The following RBFOX1 variants were observed in gnomAD, a reference collection of about 807,000 sequenced individuals.
RBFOX1 encodes RNA binding fox-1 homolog 1.
A neutral mutation model predicts 57.7 loss-of-function variants in RBFOX1; 8 were observed. The ratio of observed to expected loss-of-function variants is 0.14; its 90% CI spans 0.08 to 0.25. The LOEUF (loss-of-function observed/expected upper bound fraction) is 0.25, where lower values mean the gene tolerates loss of function less well. RBFOX1 is among the 10% of genes least tolerant of loss of function. The pLI is 1.00. For missense variants in RBFOX1, 611 were observed against 548.5 expected, an observed-to-expected ratio of 1.11 and a Z score of -1.14; for synonymous variants, 326 against 222.4, an observed-to-expected ratio of 1.47 and a Z score of -4.15.
At chr16:6,529,894 T>C (rs910156961) in intron 2 of RBFOX1, among the ~76,000 whole-genome samples, 2 of 152,166 alleles carry the variant, frequency 1.3e-5, no homozygotes, top group African/African-American at 2.4e-5. Flanking sequence ...GGTGACTTTT[T>C]CTCCACTCAC....
intron 4 of RBFOX1, among the ~76,000 whole-genome samples, chr16:7,385,363 A>T: frequency 6.6e-6 from 1 of 152,126 alleles, no homozygotes; most frequent in Non-Finnish European, 1.5e-5. Context: ...GGTGAAGGAA[A>T]TGGAAGTACC....
chr16:6,916,769 A>G (rs1285705703), intron 3 of RBFOX1, among the ~76,000 whole-genome samples: 2 of 151,780 alleles, frequency 1.3e-5, no homozygotes, highest in East Asian at 3.9e-4. Flanking sequence ...ACCCACTTAA[A>G]CTTTTCCCAT....
intron 3 of RBFOX1, among the ~76,000 whole-genome samples, chr16:6,680,341 C>T (rs12148938): frequency 0.68 from 99,158 of 145,616 alleles, 35,334 homozygotes; most frequent in East Asian, 0.82. Context: ...CAGCTCACTG[C>T]AAGCTCCGCC....
intron 4 of RBFOX1, among the ~76,000 whole-genome samples, chr16:7,313,423 C>G (rs573027204): frequency 7.0e-4 from 105 of 149,944 alleles, no homozygotes; most frequent in Admixed American, 3.5e-3. Context: ...TTCCTGAAGA[C>G]TTTCTTTTTT....
intron 4 of RBFOX1, among the ~76,000 whole-genome samples, chr16:5,951,141 T>A (rs1270213396): frequency 1.3e-5 from 2 of 152,020 alleles, no homozygotes; most frequent in Non-Finnish European, 2.9e-5. Context: ...ATCCTGAACT[T>A]TTTATTTAAA....
intron 4 of RBFOX1, among the ~76,000 whole-genome samples, chr16:7,248,317 T>A (rs1326260991): frequency 6.6e-6 from 1 of 152,224 alleles, no homozygotes; most frequent in East Asian, 1.9e-4. Context: ...CCTTCCTTGT[T>A]CATAAAGGAC....
intron 4 of RBFOX1, among the ~76,000 whole-genome samples, chr16:7,413,723 G>A (rs2098452476): frequency 1.3e-5 from 2 of 152,044 alleles, no homozygotes; most frequent in African/African-American, 2.4e-5. Flanking sequence ...ATTCAAACAA[G>A]CAAAGGGGGT....
chr16:5,251,077 TG>T (rs981571501), intron 1 of RBFOX1, among the ~76,000 whole-genome samples: 1 of 151,748 alleles, frequency 6.6e-6, no homozygotes. Context: ...TGTCCTGGGG[TG>T]GGGGGGTCCC....
chr16:7,053,694 T>A (rs2050893226), intron 4 of RBFOX1, among the ~76,000 whole-genome samples: 1 of 152,146 alleles, frequency 6.6e-6, no homozygotes, highest in Non-Finnish European at 1.5e-5. Flanking sequence ...GGAGTGTGGT[T>A]TAGGTTCAAG....
In RBFOX1 at chr16:7,504,709, TTATATATATA is replaced by T. The variant is rs1181491515; in HGVS notation, c.28-13402_28-13393del. On this transcript the variant is annotated intron_variant, in intron 4 of 15. Transcript: ENST00000550418. The stretch of plus-strand genomic sequence containing the variant: ...TAGCTCCTGTGGAGATGAAGTGAGA[TTATATATATA>T]TATATATATATATATATATATATAT... 1.0e-3 allele frequency among the ~76,000 whole-genome samples: 78 copies of T among 74,478 alleles called. 3 individuals carry two copies. The East Asian group carries it at 0.044, about 42-fold the overall frequency. The allele number at this position is 74,478 out of a possible 152,430, so 48.9% of individuals were successfully genotyped here.
intron 10 of RBFOX1, among the ~76,000 whole-genome samples, chr16:7,619,997 C>T (rs1263388699): frequency 6.6e-6 from 1 of 152,168 alleles, no homozygotes; most frequent in South Asian, 2.1e-4. Flanking sequence ...CATTAAAACT[C>T]CTAAGTTTAA....
intron 3 of RBFOX1, among the ~76,000 whole-genome samples, chr16:5,811,778 G>A (rs1395795395): frequency 6.6e-6 from 1 of 152,138 alleles, no homozygotes; most frequent in Non-Finnish European, 1.5e-5. Flanking sequence ...GCATTATTGA[G>A]ATGTAATTGA....
intron 3 of RBFOX1, among the ~76,000 whole-genome samples, chr16:5,671,956 T>G (rs895447362): frequency 1.3e-5 from 2 of 152,138 alleles, no homozygotes; most frequent in South Asian, 4.1e-4. Flanking sequence ...ATCAGTTTTC[T>G]CTCAAAGTGA....
chr16:5,653,760 G>A (rs2049329437), intron 3 of RBFOX1, among the ~76,000 whole-genome samples: 1 of 152,172 alleles, frequency 6.6e-6, no homozygotes. Context: ...CAGGGGTGGG[G>A]TGGCTCAAGC....
intron 7 of RBFOX1, among the ~76,000 whole-genome samples, chr16:7,588,414 C>A (rs2094246847): frequency 6.6e-6 from 1 of 152,140 alleles, no homozygotes; most frequent in African/African-American, 2.4e-5. Context: ...AGGAAAACAA[C>A]ACATGAGGCC....
chr16:5,780,317 A>G (rs933836245), intron 3 of RBFOX1, among the ~76,000 whole-genome samples: 13 of 152,154 alleles, frequency 8.5e-5, no homozygotes, highest in Non-Finnish European at 1.8e-4. Flanking sequence ...ATTTTTTATT[A>G]TCTTTCTTAC....
At chr16:5,404,485 T>C (rs490662) in intron 1 of RBFOX1, among the ~76,000 whole-genome samples, 87,623 of 151,990 alleles carry the variant, frequency 0.58, 27,967 homozygotes, top group African/African-American at 0.87. Context: ...TGGACTGCAC[T>C]TTGTAGGTCT....
chr16:6,263,309 C>T (rs997481836), intron 1 of RBFOX1, among the ~76,000 whole-genome samples: 5 of 152,118 alleles, frequency 3.3e-5, no homozygotes, highest in African/African-American at 1.2e-4. Context: ...TGAATTTGAG[C>T]ATTGAGAATT....
chr16:6,112,020 TAAAA>T (rs144796650), intron 1 of RBFOX1, among the ~76,000 whole-genome samples: 2 of 151,304 alleles, frequency 1.3e-5, no homozygotes, highest in Non-Finnish European at 2.9e-5. Context: ...AGTGATCTGA[TAAAA>T]AAAAAGTAGG....
Sources: gnomAD v4.1 joint callset for allele counts (sites outside exome capture counted in the v4.1 genomes callset) on GRCh38, gnomAD v4.1.1 for gene constraint, MANE v1.5 for transcripts, NCBI Gene and HGNC (gene_info 2026-07-23, HGNC 2026-07-21) for gene names.